CPQ: variants seen among roughly 807,000 people sequenced by gnomAD.
The protein encoded by CPQ is Ser-Met dipeptidase.
CPQ carries 37 observed loss-of-function variants against 45.7 expected under a neutral mutation model. The observed-to-expected ratio is 0.81, with a 90% CI of 0.62 to 1.07. The LOEUF (loss-of-function observed/expected upper bound fraction) is 1.07, where lower values mean the gene tolerates loss of function less well. CPQ is among the 50% of genes least tolerant of loss of function. The pLI is 0.00. For synonymous variants in CPQ, 186 were observed against 205.8 expected (o/e 0.90, Z 0.82); for missense variants, 537 against 572.9 (o/e 0.94, Z 0.64).
At chr8:97,029,550 C>T (rs1236140508) in intron 6 of CPQ, 56 bp downstream of exon 6, 1 of 1,447,782 alleles carries the variant, frequency 6.9e-7, no homozygotes, top group Non-Finnish European at 9.5e-7. Context: ...ACAAAAATCC[C>T]TCTCATTGTC....
chr8:97,023,288 C>T (rs548134607), intron 5 of CPQ, among the ~76,000 whole-genome samples: 9 of 151,772 alleles, frequency 5.9e-5, no homozygotes, highest in Admixed American at 1.3e-4. Context: ...GATGCAAAGG[C>T]ATAAGAAAGA....
At chr8:96,821,473 G>A (rs963043568) in intron 2 of CPQ, among the ~76,000 whole-genome samples, 2 of 151,576 alleles carry the variant, frequency 1.3e-5, no homozygotes, top group Admixed American at 1.3e-4. Flanking sequence ...GTGTATAGTG[G>A]GAAATAGAGG....
At chr8:97,092,706 A>G (rs1489979174) in intron 7 of CPQ, 6 of 152,202 alleles carry the variant, frequency 3.9e-5, no homozygotes, top group African/African-American at 1.2e-4. Context: ...TAAAACCTAA[A>G]ATTATAAAAA....
rs1212684459 is a variant in CPQ at position 96,737,251 on chromosome 8, AC to A, written c.-34-47612del. Among the ~76,000 whole-genome samples, 919 of 141,626 alleles carry A rather than the reference AC, an allele frequency of 6.5e-3. 9 individuals carry two copies. Among genetic ancestry groups the A allele is most frequent in the African/African-American group, 0.02 (727 of 36,300 alleles). The allele number at this position is 141,626 out of a possible 152,430, so 92.9% of individuals were successfully genotyped here. A position where few individuals can be genotyped will look rare whatever the true frequency, so the allele number is the denominator to read the frequency against. ...AAGATACACACACACACACACACAC[AC>A]ACAAAAAAAAACTAATAGGATATAT... On this transcript the variant is annotated intron_variant, in intron 1 of 7. Coordinates refer to ENST00000220763, the MANE Select transcript of CPQ (RefSeq NM_016134.4).
chr8:97,015,290 A>AATG (rs1809559478), intron 5 of CPQ, among the ~76,000 whole-genome samples: 1 of 152,134 alleles, frequency 6.6e-6, no homozygotes, highest in South Asian at 2.1e-4. Flanking sequence ...CATGGTAAAT[A>AATG]ATGATAGAGA....
At chr8:96,746,074 T>C (rs1810175556) in intron 1 of CPQ, among the ~76,000 whole-genome samples, 1 of 152,218 alleles carries the variant, frequency 6.6e-6, no homozygotes, top group African/African-American at 2.4e-5. Context: ...CTTAGCCTCC[T>C]TAACTCACTG....
chr8:96,652,706 C>T (rs1352886097), intron 1 of CPQ, among the ~76,000 whole-genome samples: 3 of 152,200 alleles, frequency 2.0e-5, no homozygotes, highest in African/African-American at 4.8e-5. Flanking sequence ...CATCTCTGCT[C>T]ACTGCAAGCT....
At chr8:96,832,302 T>C (rs920995348) in intron 2 of CPQ, among the ~76,000 whole-genome samples, 5 of 152,056 alleles carry the variant, frequency 3.3e-5, no homozygotes, top group African/African-American at 1.2e-4. Context: ...GTACTGTAGG[T>C]GTAAGGGAAT....
chr8:97,059,276 ATGG>A (rs1398695000), intron 6 of CPQ, among the ~76,000 whole-genome samples: 1 of 152,160 alleles, frequency 6.6e-6, no homozygotes. Context: ...TCCAGGTACG[ATGG>A]TGGCTAAACC....
chr8:97,098,116 A>ACC (rs1811240345), intron 7 of CPQ, among the ~76,000 whole-genome samples: 1 of 152,146 alleles, frequency 6.6e-6, no homozygotes, highest in Non-Finnish European at 1.5e-5. Context: ...CTCCTAGTAG[A>ACC]TTGATGGAGA....
At position 96,937,531 on chromosome 8, in the gene CPQ, G is replaced by C. The variant is rs775236677; in HGVS notation, c.850-28404G>C. Among the ~76,000 whole-genome samples, 22 of 152,120 alleles carry C rather than the reference G, an allele frequency of 1.4e-4. 1 individual carries two copies. The highest frequency in any genetic ancestry group is 2.5e-4 in the Non-Finnish European group (17 of 68,016). On this transcript the variant is annotated intron_variant, in intron 4 of 7. Transcript: ENST00000220763. Reference sequence around the variant, plus strand: ...AGCAAGAGAGGAGATAGTAGTACTGGAAGTCTGCCAGACCTTAGACCTTAG... The same window carrying C: ...AGCAAGAGAGGAGATAGTAGTACTGCAAGTCTGCCAGACCTTAGACCTTAG...
chr8:96,742,919 C>G (rs2130779935), intron 1 of CPQ, among the ~76,000 whole-genome samples: 1 of 152,238 alleles, frequency 6.6e-6, no homozygotes, highest in South Asian at 2.1e-4. Context: ...TTTTTTCCTT[C>G]ATTTCAACTT....
At chr8:96,896,259 C>CTCCTTAAG (rs1812441003) in intron 4 of CPQ, among the ~76,000 whole-genome samples, 1 of 152,170 alleles carries the variant, frequency 6.6e-6, no homozygotes, top group Non-Finnish European at 1.5e-5. Flanking sequence ...CTCTATATTA[C>CTCCTTAAG]TATGCCCCTA....
rs115520680 is a variant in CPQ, at chr8:96,773,314, A to G, written c.-34-11550A>G. ...TGCTTGGTGAATTTTATAAAAGTAA[A>G]ATATTATCGCCATTAAGTGATATAG... On this transcript the variant is annotated intron_variant, in intron 1 of 7. Coordinates refer to ENST00000220763, the MANE Select transcript of CPQ (RefSeq NM_016134.4). Among the ~76,000 whole-genome samples, 915 of 152,318 alleles carry G rather than the reference A, an allele frequency of 6.0e-3. 10 individuals are homozygous for G. Among genetic ancestry groups the G allele is most frequent in the African/African-American group, 0.02 (839 of 41,570 alleles).
At chr8:96,986,645 G>A (rs1473805028) in intron 5 of CPQ, among the ~76,000 whole-genome samples, 1 of 152,140 alleles carries the variant, frequency 6.6e-6, no homozygotes, top group Non-Finnish European at 1.5e-5. Flanking sequence ...AATCACTTGG[G>A]GGCCTGGGGA....
At chr8:96,685,718 G>A (rs1208674952) in intron 1 of CPQ, among the ~76,000 whole-genome samples, 1 of 151,888 alleles carries the variant, frequency 6.6e-6, no homozygotes, top group African/African-American at 2.4e-5. Context: ...TTTTTCCTGT[G>A]AACTTCAGAA....
intron 5 of CPQ, among the ~76,000 whole-genome samples, chr8:97,022,996 CAGTATA>C (rs1809722993): frequency 1.4e-5 from 2 of 143,366 alleles, no homozygotes; most frequent in Non-Finnish European, 3.0e-5. Flanking sequence ...TATATATATA[CAGTATA>C]TATATACTAT....
intron 7 of CPQ, among the ~76,000 whole-genome samples, chr8:97,081,345 GC>G (rs1001031950): frequency 5.3e-5 from 8 of 151,930 alleles, no homozygotes; most frequent in Non-Finnish European, 1.0e-4. Flanking sequence ...AGCTTCAGTT[GC>G]CCCCCCATAC....
chr8:96,645,620 C>T (rs562800588), intron 1 of CPQ, among the ~76,000 whole-genome samples: 10 of 152,088 alleles, frequency 6.6e-5, no homozygotes, highest in Admixed American at 5.2e-4. Context: ...ACAGTGGAGT[C>T]ACCGAGCCTA....
Sources: allele counts gnomAD v4.1 joint callset (sites outside exome capture counted in the v4.1 genomes callset), GRCh38; gene constraint gnomAD v4.1.1; transcripts MANE v1.5; gene names NCBI Gene and HGNC (gene_info 2026-07-23, HGNC 2026-07-21).